Variants in COMMD1 observed in about 807,000 individuals in gnomAD.
COMMD1 encodes the protein COMM domain-containing protein 1.
COMMD1 carries 10 observed loss-of-function variants against 17.2 expected under a neutral mutation model. That is an observed-to-expected ratio of 0.58 (90% CI 0.36 to 0.99). COMMD1 has a LOEUF of 0.99. Ranked by LOEUF, COMMD1 falls within the 50% of genes least tolerant of loss-of-function variation. The probability of loss-of-function intolerance (pLI) is 0.01; values close to 1 mark genes in which losing one functional copy is unlikely to be tolerated. For synonymous variants in COMMD1, 97 were observed against 91.6 expected (o/e 1.06, Z -0.34); for missense variants, 270 against 231.8 (o/e 1.17, Z -1.07).
intron 1 of COMMD1, among the ~76,000 whole-genome samples, chr2:61,947,679 C>G (rs1040979395): frequency 2.7e-5 from 4 of 150,424 alleles, no homozygotes; most frequent in African/African-American, 9.8e-5. Flanking sequence ...CGAGATTTGT[C>G]TCAAAAAACA....
chr2:62,036,057 C>CAG (rs1491068872), intron 2 of COMMD1, among the ~76,000 whole-genome samples: 1 of 105,918 alleles, frequency 9.4e-6, no homozygotes, highest in African/African-American at 6.5e-5. Flanking sequence ...CTGTCTCTCA[C>CAG]ACACACACAC....
rs1671785152 is a variant in COMMD1 at position 62,090,085 on chromosome 2, T to G, written c.463-45746T>G. The stretch of plus-strand genomic sequence containing the variant: ...GGTGAGATGGAGTCAGGCCTAGGGT[T>G]TAGTCTAAAAAAAAAATCCCAGGTC... On this transcript the variant is annotated intron_variant, in intron 2 of 2. Coordinates refer to ENST00000311832, the MANE Select transcript of COMMD1 (RefSeq NM_152516.4). 2.0e-5 allele frequency among the ~76,000 whole-genome samples: 3 copies of G among 152,232 alleles called. No homozygotes were observed. In the South Asian group the frequency reaches 6.2e-4, roughly 32 times the overall value.
intron 1 of COMMD1, among the ~76,000 whole-genome samples, chr2:61,892,174 C>T: frequency 6.6e-6 from 1 of 151,950 alleles, no homozygotes; most frequent in African/African-American, 2.4e-5. Flanking sequence ...CAAAACAAAA[C>T]CAAACAAACA....
chr2:61,983,611 G>C (rs1181517477), intron 1 of COMMD1, among the ~76,000 whole-genome samples: 3 of 152,120 alleles, frequency 2.0e-5, no homozygotes, highest in Admixed American at 2.0e-4. Context: ...ATTTCTTCTA[G>C]ATTGTCCAGT....
At chr2:62,066,241 T>C (rs111241655) in intron 2 of COMMD1, among the ~76,000 whole-genome samples, 3,420 of 152,124 alleles carry the variant, frequency 0.022, 141 homozygotes, top group African/African-American at 0.078. Flanking sequence ...ACTTTTTTTT[T>C]CCCCCACTAC....
intron 1 of COMMD1, among the ~76,000 whole-genome samples, chr2:61,927,620 G>A (rs1026796054): frequency 6.6e-6 from 1 of 151,876 alleles, no homozygotes; most frequent in Non-Finnish European, 1.5e-5. Flanking sequence ...GGATGGTCTC[G>A]ATCTCCTGAC....
intron 1 of COMMD1, among the ~76,000 whole-genome samples, chr2:61,989,868 T>C (rs1672201417): frequency 6.6e-6 from 1 of 152,164 alleles, no homozygotes; most frequent in Non-Finnish European, 1.5e-5. Flanking sequence ...GGATTAAATA[T>C]TAAGTAAGAA....
upstream of COMMD1, among the ~76,000 whole-genome samples, chr2:61,900,681 G>A (rs1669638303): frequency 6.6e-6 from 1 of 152,228 alleles, no homozygotes; most frequent in Non-Finnish European, 1.5e-5. Context: ...CCTTGGCCAA[G>A]AGGAGGTCTG....
At chr2:61,900,539 C>G (rs1277494328) in intron 1 of COMMD1, among the ~76,000 whole-genome samples, 1 of 152,164 alleles carries the variant, frequency 6.6e-6, no homozygotes, top group East Asian at 1.9e-4. Flanking sequence ...GCCACAGAGT[C>G]TTATGATCCC....
intron 2 of COMMD1, among the ~76,000 whole-genome samples, chr2:62,099,415 C>G (rs1465274278): frequency 2.0e-5 from 3 of 152,126 alleles, no homozygotes; most frequent in African/African-American, 7.2e-5. Context: ...TTTTGGAAAC[C>G]TTAGACCTAG....
At chr2:61,912,988 A>G (rs1669948484) in intron 1 of COMMD1, among the ~76,000 whole-genome samples, 1 of 152,208 alleles carries the variant, frequency 6.6e-6, no homozygotes, top group Non-Finnish European at 1.5e-5. Context: ...CAAGAACTCA[A>G]GGCTGTAGGG....
chr2:62,005,576 A>G (rs2103816940), intron 2 of COMMD1, among the ~76,000 whole-genome samples: 1 of 152,376 alleles, frequency 6.6e-6, no homozygotes, highest in East Asian at 1.9e-4. Context: ...TTATGTAGCC[A>G]AAAGACACAT....
intron 2 of COMMD1, among the ~76,000 whole-genome samples, chr2:62,011,544 C>T (rs1669278457): frequency 6.6e-6 from 1 of 151,980 alleles, no homozygotes; most frequent in Non-Finnish European, 1.5e-5. Context: ...TCTTGGATGC[C>T]TCCCGGCACA....
intron 2 of COMMD1, among the ~76,000 whole-genome samples, chr2:62,101,894 T>C (rs1351322832): frequency 6.6e-6 from 1 of 152,164 alleles, no homozygotes; most frequent in Non-Finnish European, 1.5e-5. Context: ...GTAGGCACCA[T>C]TGATTAAATC....
chr2:61,926,327 T>C (rs1187498523), intron 1 of COMMD1, among the ~76,000 whole-genome samples: 1 of 152,182 alleles, frequency 6.6e-6, no homozygotes, highest in Admixed American at 6.6e-5. Context: ...ACAAGTAAGA[T>C]TGTCCCCTTT....
At chr2:62,129,265 A>G (rs990125481) in intron 2 of COMMD1, among the ~76,000 whole-genome samples, 16 of 152,242 alleles carry the variant, frequency 1.1e-4, no homozygotes, top group African/African-American at 3.9e-4. Context: ...AAGAATTAAT[A>G]TAATAACCTC....
chr2:62,092,318 T>C (rs1467278620), intron 2 of COMMD1, among the ~76,000 whole-genome samples: 1 of 152,140 alleles, frequency 6.6e-6, no homozygotes, highest in Admixed American at 6.5e-5. Context: ...ATGGGAGTTA[T>C]TTGAGGGTTC....
At chr2:61,949,597 C>T (rs557156141) in intron 1 of COMMD1, among the ~76,000 whole-genome samples, 1 of 152,244 alleles carries the variant, frequency 6.6e-6, no homozygotes, top group African/African-American at 2.4e-5. Flanking sequence ...AAATAAAAAT[C>T]TTTTTTGCTG....
Position 62,017,323 on chromosome 2 carries a change from C to T in COMMD1, c.462+16341C>T, listed in dbSNP as rs143172765. Among the ~76,000 whole-genome samples the T allele has an allele frequency of 3.9e-5, 6 of 152,256 alleles. No homozygotes were observed. In the East Asian group the frequency reaches 5.8e-4, roughly 15 times the overall value. On this transcript the variant is annotated intron_variant, in intron 2 of 2. Transcript: ENST00000311832. Reference sequence around the variant, plus strand: ...TCTTTGATCCTGTGATACTGGCCTCCGTCCACACACACACTTCTTAGTCTA... The same window carrying T: ...TCTTTGATCCTGTGATACTGGCCTCTGTCCACACACACACTTCTTAGTCTA...
Sources: allele counts gnomAD v4.1 joint callset (sites outside exome capture counted in the v4.1 genomes callset), GRCh38; gene constraint gnomAD v4.1.1; transcripts MANE v1.5; gene names NCBI Gene and HGNC (gene_info 2026-07-23, HGNC 2026-07-21).